The following GET1 variants were observed in gnomAD, a reference collection of about 807,000 sequenced individuals.
The protein encoded by GET1 is congenital heart disease 5 protein.
GET1 carries 20 observed loss-of-function variants against 22.6 expected under a neutral mutation model. That is an observed-to-expected ratio of 0.89 (90% CI 0.62 to 1.29). The LOEUF is 1.29. GET1 is among the 50% of genes most tolerant of loss of function. The pLI, the probability that GET1 is intolerant of heterozygous loss-of-function variation, is 0.00. For synonymous variants in GET1, 92 were observed against 83.8 expected, an observed-to-expected ratio of 1.10 and a Z score of -0.53; for missense variants, 209 against 219.9, an observed-to-expected ratio of 0.95 and a Z score of 0.31.
At chr21:39,427,350 GATAGAGCT>G (rs1458729018) in intron 1 of GET1, among the ~76,000 whole-genome samples, 1 of 152,184 alleles carries the variant, frequency 6.6e-6, no homozygotes, top group African/African-American at 2.4e-5. Context: ...GCTGGGAGTT[GATAGAGCT>G]GGTACTTTAA....
At chr21:39,409,462 G>T (rs1218731901), downstream of GET1, among the ~76,000 whole-genome samples, 1 of 152,170 alleles carries the variant, frequency 6.6e-6, no homozygotes, top group African/African-American at 2.4e-5. The surrounding 1 kb of genome is among the most constrained non-coding windows in gnomAD (Gnocchi z 4.2). Flanking sequence ...GTGGTTTCTG[G>T]TGGGCAGGGC....
chr21:39,409,434 C>T (rs1226956904), downstream of GET1, among the ~76,000 whole-genome samples: 3 of 152,068 alleles, frequency 2.0e-5, no homozygotes, highest in Non-Finnish European at 2.9e-5. This position sits in a 1 kb window ranked among gnomAD's most constrained non-coding sequence, Gnocchi z 4.2. Flanking sequence ...AATGACTGGC[C>T]TAAAACCCAA....
chr21:39,422,748 T>G (rs764117990), intron 1 of GET1: 5 of 557,702 alleles, frequency 9.0e-6, no homozygotes, highest in Non-Finnish European at 1.6e-5. Flanking sequence ...CAGAGTGAAC[T>G]CTTGTGCACT....
chr21:39,388,004 A>G (rs1296549790), intron 1 of GET1: 3 of 345,486 alleles, frequency 8.7e-6, no homozygotes, highest in Non-Finnish European at 1.2e-5. Flanking sequence ...GTCAATACCG[A>G]TAACTGATTT....
Position 39,380,359 on chromosome 21 carries a change from A to C in GET1, c.-26A>C, listed in dbSNP as rs771641290. The C allele has an allele frequency of 8.2e-6, 13 of 1,580,574 alleles. No homozygotes were observed. Among genetic ancestry groups the C allele is most frequent in the Non-Finnish European group, 1.1e-5 (13 of 1,161,612 alleles). On this transcript the variant is annotated 5_prime_UTR_variant, in exon 1 of 5. Coordinates refer to ENST00000649170, the MANE Select transcript of GET1 (RefSeq NM_004627.6). Reference sequence around the variant, plus strand: ...GGTCCCCATGGAGCTGCCGTAGCGGACCCAGCACAGCCAGGAGCGTCCGGG... The same window carrying C: ...GGTCCCCATGGAGCTGCCGTAGCGGCCCCAGCACAGCCAGGAGCGTCCGGG...
chr21:39,415,529 A>G (rs921698601), intron 1 of GET1, among the ~76,000 whole-genome samples: 11 of 152,166 alleles, frequency 7.2e-5, no homozygotes, highest in African/African-American at 2.7e-4. Context: ...AACTTATTTC[A>G]GTATCTGTAG....
intron 1 of GET1, among the ~76,000 whole-genome samples, chr21:39,384,040 CT>C (rs776755444): frequency 2.2e-3 from 309 of 142,130 alleles, no homozygotes; most frequent in Non-Finnish European, 2.6e-3. Context: ...CACCCCCGGC[CT>C]TTTTTTTTTT....
intron 2 of GET1, 62 bp downstream of exon 2, chr21:39,390,925 T>C (rs2038259179): frequency 6.4e-7 from 1 of 1,567,378 alleles, no homozygotes; most frequent in Non-Finnish European, 8.7e-7. Flanking sequence ...AGTCTGTATG[T>C]GAAGATTAGT....
At chr21:39,380,991 C>T in intron 1 of GET1, 8 of 976,284 alleles carry the variant, frequency 8.2e-6, no homozygotes, top group Non-Finnish European at 9.7e-6. Context: ...TCCAAGGGAG[C>T]AACCAGGTTG....
chr21:39,410,189 T>C (rs1010900816), downstream of GET1: 4 of 1,246,264 alleles, frequency 3.2e-6, no homozygotes, highest in African/African-American at 4.5e-5. Context: ...ACTTTTCACA[T>C]AGAACAAGTG....
downstream of GET1, among the ~76,000 whole-genome samples, chr21:39,408,905 C>T (rs1231303220): frequency 6.6e-6 from 1 of 152,046 alleles, no homozygotes; most frequent in East Asian, 1.9e-4. Context: ...GGTAATATTG[C>T]CCTTTGCTCA....
chr21:39,396,981 C>T lies in GET1; in HGVS notation c.*42C>T. On this transcript the variant is annotated 3_prime_UTR_variant, in exon 5 of 5. Transcript: ENST00000649170. The stretch of plus-strand genomic sequence containing the variant: ...AGCCGCGAGGCTAAAAAACGGATTT[C>T]CTCTTCCTAGCTTAAAATCTGATTT... 1 of 1,599,296 alleles carries T rather than the reference C, an allele frequency of 6.3e-7. No individual in the cohort carries two copies. The highest frequency in any genetic ancestry group is 8.6e-7 in the Non-Finnish European group (1 of 1,167,972).
chr21:39,387,786 A>C, intron 1 of GET1: 1 of 984,956 alleles, frequency 1.0e-6, no homozygotes, highest in Non-Finnish European at 1.2e-6. Flanking sequence ...CCCTCAGGCG[A>C]CTGGCGGGTC....
In GET1 at chr21:39,419,535, AG is replaced by A. The variant is rs58509090; in HGVS notation, c.*23+8599del. ...GCAAGACCCTGTTCAAAAAAAAAAA[AG>A]AAAAAAGAAAAAAGAAAGAAAGGGA... is the stretch of plus-strand genomic sequence containing the variant. On this transcript the variant is annotated intron_variant, in intron 1 of 1. Transcript: ENST00000478273. Among the ~76,000 whole-genome samples, 389 of 135,040 alleles carry A rather than the reference AG, an allele frequency of 2.9e-3. 8 individuals carry two copies. Among genetic ancestry groups the A allele is most frequent in the African/African-American group, 0.012 (315 of 26,880 alleles). The allele number at this position is 135,040 out of a possible 152,430, so 88.6% of individuals were successfully genotyped here.
chr21:39,414,713 C>CT (rs2040742196), intron 1 of GET1, among the ~76,000 whole-genome samples: 5 of 119,880 alleles, frequency 4.2e-5, no homozygotes, highest in Non-Finnish European at 1.7e-5. Context: ...TGGTTCTCTC[C>CT]CTCTCTCTCT....
chr21:39,416,657 C>G (rs184767234), intron 1 of GET1, among the ~76,000 whole-genome samples: 1 of 142,772 alleles, frequency 7.0e-6, no homozygotes, highest in South Asian at 2.2e-4. Flanking sequence ...TATCTTACTT[C>G]TGTATTTTTT....
At chr21:39,410,754 A>G, downstream of GET1, 1 of 457,506 alleles carries the variant, frequency 2.2e-6, no homozygotes, top group East Asian at 7.0e-5. Flanking sequence ...GCGCATGACC[A>G]CTAAATCTAG....
At chr21:39,405,090 C>T (rs1036362502) in intron 4 of GET1, among the ~76,000 whole-genome samples, 5 of 151,936 alleles carry the variant, frequency 3.3e-5, no homozygotes, top group African/African-American at 1.2e-4. Context: ...ACCTCGGTCT[C>T]CCAAAGTGTT....
Position 39,380,919 on chromosome 21 carries a change from G to T in GET1, c.102+433G>T, listed in dbSNP as rs968818460. 3 of 997,422 alleles carry T rather than the reference G, an allele frequency of 3.0e-6. No homozygotes were observed. The South Asian group carries it at 1.3e-4, about 43-fold the overall frequency. 61.8% of individuals were successfully genotyped at this position (997,422 alleles called of 1,614,324 possible). On this transcript the variant is annotated intron_variant, in intron 1 of 4. Coordinates refer to ENST00000649170, the MANE Select transcript of GET1 (RefSeq NM_004627.6). The stretch of plus-strand genomic sequence containing the variant: ...CTCGCGTCCAGGAGCCCACATTCTT[G>T]GGGTGGGTAGGGTGGGAGACAGGTG...
Sources: gnomAD v4.1 joint callset for allele counts (sites outside exome capture counted in the v4.1 genomes callset) on GRCh38, gnomAD v4.1.1 for gene constraint, Gnocchi (gnomAD v3.1) non-coding constraint, MANE v1.5 for transcripts, NCBI Gene and HGNC (gene_info 2026-07-23, HGNC 2026-07-21) for gene names.